Variants in CFTR observed in about 807,000 individuals in gnomAD.
The protein encoded by CFTR is cystic fibrosis transmembrane conductance regulator.
A neutral mutation model predicts 171.6 loss-of-function variants in CFTR; 181 were observed. The observed-to-expected ratio is 1.05, with a 90% CI of 0.93 to 1.19. The LOEUF (loss-of-function observed/expected upper bound fraction) is 1.19. Among genes scored for constraint, CFTR ranks in the 50% most tolerant of loss-of-function variants. The probability of loss-of-function intolerance (pLI) is 0.00; values close to 1 mark genes in which losing one functional copy is unlikely to be tolerated. For missense variants in CFTR, 1,968 were observed against 1,734.7 expected, an observed-to-expected ratio of 1.13 and a Z score of -2.39; for synonymous variants, 583 against 608.0, an observed-to-expected ratio of 0.96 and a Z score of 0.60.
chr7:117,614,760 G>C (rs779751685), intron 21 of CFTR, 47 bp downstream of exon 21: 1 of 1,239,594 alleles, frequency 8.1e-7, no homozygotes, highest in Non-Finnish European at 1.2e-6. Context: ...ATTCAGACAA[G>C]TAACAAAGTA....
At chr7:117,517,404 G>A (rs1011182740) in intron 3 of CFTR, among the ~76,000 whole-genome samples, 3 of 152,110 alleles carry the variant, frequency 2.0e-5, no homozygotes, top group African/African-American at 7.2e-5. Context: ...TTTTATGGCT[G>A]TATAGTATTC....
chr7:117,585,218 C>G (rs1280570112), intron 11 of CFTR, among the ~76,000 whole-genome samples: 1 of 151,722 alleles, frequency 6.6e-6, no homozygotes, highest in Non-Finnish European at 1.5e-5. Context: ...TTATTTTCTT[C>G]TATGTACTTC....
At chr7:117,590,183 CAT>C (rs1792003766) in intron 12 of CFTR, among the ~76,000 whole-genome samples, 168 bp from the exon 13 acceptor site, 1 of 151,854 alleles carries the variant, frequency 6.6e-6, no homozygotes, top group African/African-American at 2.4e-5. Context: ...ATAGTAAAAA[CAT>C]GTATAAAAGT....
intron 1 of CFTR, among the ~76,000 whole-genome samples, chr7:117,484,673 A>G (rs899429537): frequency 6.6e-6 from 1 of 151,866 alleles, no homozygotes; most frequent in Non-Finnish European, 1.5e-5. Flanking sequence ...CTGATATATG[A>G]CAAAAATTAT....
intron 7 of CFTR, among the ~76,000 whole-genome samples, chr7:117,538,560 T>C (rs1474581436): frequency 6.6e-6 from 1 of 152,194 alleles, no homozygotes. Flanking sequence ...TCCTATCATT[T>C]TATAAATACC....
At chr7:117,534,128 A>G (rs922757440) in intron 4 of CFTR, 148 bp from the exon 5 acceptor site, 5 of 582,376 alleles carry the variant, frequency 8.6e-6, no homozygotes, top group Non-Finnish European at 1.5e-5. Context: ...ACCTGAGAAG[A>G]TAGTAAGCTA....
chr7:117,572,189 A>G (rs1791701778), intron 11 of CFTR, among the ~76,000 whole-genome samples: 1 of 152,070 alleles, frequency 6.6e-6, no homozygotes, highest in Admixed American at 6.6e-5. Context: ...TTTAGTAGAA[A>G]TGGGGTTTTG....
chr7:117,519,575 A>G (rs1376146764), intron 3 of CFTR, among the ~76,000 whole-genome samples: 1 of 151,900 alleles, frequency 6.6e-6, no homozygotes. Context: ...TTTTCTTCTG[A>G]TTAATAATCA....
At chr7:117,662,867 G>A (rs1307019093) in intron 24 of CFTR, among the ~76,000 whole-genome samples, 3 of 152,142 alleles carry the variant, frequency 2.0e-5, no homozygotes, top group Non-Finnish European at 4.4e-5. Context: ...TCAATACCCT[G>A]AAAATGACTG....
In CFTR at chr7:117,591,959, A is replaced by C; in HGVS notation, c.1792A>C (p.Lys598Gln). ...CTGTGTCTGTAAACTGATGGCTAAC[A>C]AAACTAGGATTTTGGTCACTTCTAA... ...ESCVCKLMAN[K>Q]TRILVTSKME... Residue 598 changes from lysine to glutamine, a missense_variant, in exon 14 of 27, where the codon AAA (lysine) becomes CAA (glutamine). Lys to Gln is a moderately conservative substitution (Grantham distance 53, BLOSUM62 1). Coordinates refer to ENST00000003084, the MANE Select transcript of CFTR (RefSeq NM_000492.4). 6.3e-7 allele frequency: 1 copy of C among 1,591,968 alleles called. No homozygotes were observed. The highest frequency in any genetic ancestry group is 8.5e-7 in the Non-Finnish European group (1 of 1,172,524).
Position 117,587,757 on chromosome 7 carries a change from G to C in CFTR, c.1603G>C (p.Glu535Gln). The C allele has an allele frequency of 6.2e-7, 1 of 1,609,532 alleles. No homozygotes were observed. The part of the protein sequence containing the change: ...QLEEDISKFA[E>Q]KDNIVLGEGG... ...GTAATAGGACATCTCCAAGTTTGCA[G>C]AGAAAGACAATATAGTTCTTGGAGA... Residue 535 changes from glutamate to glutamine, a missense_variant, in exon 12 of 27, where the codon GAG becomes CAG. By Grantham distance (29) the Glu-to-Gln change is conservative. Transcript: ENST00000003084.
chr7:117,543,232 G>A (rs538080514), intron 9 of CFTR, among the ~76,000 whole-genome samples: 2 of 152,108 alleles, frequency 1.3e-5, no homozygotes, highest in Non-Finnish European at 2.9e-5. Context: ...GAGCACCAGC[G>A]CTTCATTTTA....
intron 13 of CFTR, among the ~76,000 whole-genome samples, chr7:117,591,640 A>G (rs1465240767): frequency 6.6e-6 from 1 of 152,098 alleles, no homozygotes; most frequent in Non-Finnish European, 1.5e-5. Flanking sequence ...AAACTGAGAG[A>G]CCCCGAGGAT....
chr7:117,532,090 C>CA (rs1179296603), intron 4 of CFTR, among the ~76,000 whole-genome samples: 203 of 147,762 alleles, frequency 1.4e-3, no homozygotes, highest in African/African-American at 4.9e-3. Context: ...AAAAAAAAAA[C>CA]AAAAAAAACA....
intron 11 of CFTR, among the ~76,000 whole-genome samples, chr7:117,583,575 TG>T (rs1791884296): frequency 6.6e-6 from 1 of 152,192 alleles, no homozygotes; most frequent in African/African-American, 2.4e-5. Context: ...ACTTGTTGAT[TG>T]ATAGGCATTT....
intron 16 of CFTR, among the ~76,000 whole-genome samples, chr7:117,603,227 G>C (rs181717156): frequency 5.7e-4 from 87 of 152,258 alleles, no homozygotes; most frequent in Middle Eastern, 3.4e-3. Flanking sequence ...AGCTCCTGCA[G>C]TTTCTAAAGA....
chr7:117,601,489 A>G (rs1008146108), intron 15 of CFTR, among the ~76,000 whole-genome samples: 4 of 152,134 alleles, frequency 2.6e-5, no homozygotes, highest in Non-Finnish European at 5.9e-5. Context: ...GTAATTTCTT[A>G]ATTTAAGTGT....
intron 6 of CFTR, among the ~76,000 whole-genome samples, chr7:117,535,694 C>T (rs1351973601): frequency 6.6e-6 from 1 of 151,890 alleles, no homozygotes; most frequent in Non-Finnish European, 1.5e-5. Context: ...GCCACCACAC[C>T]CAGCTAATTT....
chr7:117,496,333 G>A (rs981787714), intron 1 of CFTR, among the ~76,000 whole-genome samples: 2 of 152,032 alleles, frequency 1.3e-5, no homozygotes, highest in Non-Finnish European at 2.9e-5. Context: ...AGTCTCCCGA[G>A]TAGCTGAGAC....
Sources: allele counts gnomAD v4.1 joint callset (sites outside exome capture counted in the v4.1 genomes callset), GRCh38; gene constraint gnomAD v4.1.1; transcripts MANE v1.5; gene names NCBI Gene and HGNC (gene_info 2026-07-23, HGNC 2026-07-21).